Variants in CCDC170 observed in about 807,000 individuals in gnomAD.
CCDC170 encodes the protein coiled-coil domain-containing protein 170.
In CCDC170, 69 loss-of-function variants were observed where a neutral mutation model predicts 72.6. The ratio of observed to expected loss-of-function variants is 0.95; its 90% CI spans 0.78 to 1.16. The LOEUF is 1.16. CCDC170 is among the 50% of genes most tolerant of loss of function. CCDC170 has a pLI of 0.00. For synonymous variants in CCDC170, 300 were observed against 303.9 expected (o/e 0.99, Z 0.13); for missense variants, 852 against 832.5 (o/e 1.02, Z -0.29).
At chr6:151,520,708 A>C (rs1031652146) in intron 1 of CCDC170, among the ~76,000 whole-genome samples, 1 of 152,150 alleles carries the variant, frequency 6.6e-6, no homozygotes, top group African/African-American at 2.4e-5. Context: ...CACTTGATGG[A>C]TCAGCTGGCA....
rs1026076031 is a variant in CCDC170, at chr6:151,544,603, A to G, written c.475A>G (p.Lys159Glu). Residue 159 changes from lysine to glutamate, a missense_variant, in exon 4 of 11, where the codon AAA (lysine) becomes GAA (glutamate). Physicochemically the swap from Lys to Glu is moderately conservative, Grantham distance 56. Coordinates refer to ENST00000239374, the MANE Select transcript of CCDC170 (RefSeq NM_025059.4). ...KCSKENEENK[K>E]QVSKNCRKHE... The stretch of plus-strand genomic sequence containing the variant: ...TTCAAAAGAAAATGAGGAGAATAAG[A>G]AACAAGTTTCAAAGAATTGCAGGAA... The G allele has an allele frequency of 1.2e-6, 2 of 1,613,310 alleles. No homozygotes were observed. The highest frequency in any genetic ancestry group is 1.7e-5 in the Admixed American group (1 of 60,022).
chr6:151,581,025 G>A (rs914668063), intron 6 of CCDC170, among the ~76,000 whole-genome samples: 2 of 152,144 alleles, frequency 1.3e-5, no homozygotes, highest in Admixed American at 1.3e-4. Context: ...AATCATCTTA[G>A]CCTTCAGCAA....
chr6:151,549,611 G>A (rs2115060101), intron 5 of CCDC170, among the ~76,000 whole-genome samples: 1 of 151,864 alleles, frequency 6.6e-6, no homozygotes, highest in East Asian at 2.0e-4. Flanking sequence ...TTTATTTGTA[G>A]AGACGGGGTC....
At chr6:151,611,911 A>G (rs1776878165) in intron 9 of CCDC170, among the ~76,000 whole-genome samples, 1 of 152,042 alleles carries the variant, frequency 6.6e-6, no homozygotes, top group Middle Eastern at 3.4e-3. Flanking sequence ...GGGTTTCACT[A>G]TCTTGGCCAG....
At chr6:151,594,043 TTCAC>T (rs1328443679) in intron 8 of CCDC170, among the ~76,000 whole-genome samples, 7 of 152,234 alleles carry the variant, frequency 4.6e-5, no homozygotes, top group Non-Finnish European at 8.8e-5. Context: ...CTTACTTTTC[TTCAC>T]TCAAAGGAAG....
chr6:151,567,665 A>G (rs967974920), intron 5 of CCDC170, among the ~76,000 whole-genome samples: 16 of 152,226 alleles, frequency 1.1e-4, no homozygotes, highest in Admixed American at 7.2e-4. Flanking sequence ...TCTGGATTTT[A>G]TATACTTATT....
chr6:151,606,532 G>A (rs557527244), intron 9 of CCDC170, among the ~76,000 whole-genome samples: 3 of 152,294 alleles, frequency 2.0e-5, no homozygotes, highest in Non-Finnish European at 2.9e-5. Flanking sequence ...CTTGTTTTGT[G>A]TCTAACGTAT....
chr6:151,506,050 A>C (rs965800158), intron 1 of CCDC170, among the ~76,000 whole-genome samples: 1 of 152,150 alleles, frequency 6.6e-6, no homozygotes, highest in Non-Finnish European at 1.5e-5. Flanking sequence ...GCAGTGAGCT[A>C]TGATTTGTAC....
chr6:151,552,704 C>T (rs1401994536), intron 5 of CCDC170, among the ~76,000 whole-genome samples: 1 of 150,612 alleles, frequency 6.6e-6, no homozygotes, highest in Non-Finnish European at 1.5e-5. Flanking sequence ...TCCTCGATCT[C>T]TGGCTGAAGA....
chr6:151,498,907 G>T (rs1639216700), intron 1 of CCDC170, among the ~76,000 whole-genome samples: 1 of 151,596 alleles, frequency 6.6e-6, no homozygotes, highest in Non-Finnish European at 1.5e-5. Flanking sequence ...TGTATAAGTG[G>T]AATCAGACTG....
At chr6:151,564,940 C>T (rs115746224) in intron 5 of CCDC170, among the ~76,000 whole-genome samples, 1,914 of 152,238 alleles carry the variant, frequency 0.013, 28 homozygotes, top group African/African-American at 0.044. Context: ...CAGTGGGGCC[C>T]TGCTGCTGGA....
chr6:151,583,534 T>C (rs886632193), intron 6 of CCDC170, among the ~76,000 whole-genome samples: 2 of 152,022 alleles, frequency 1.3e-5, no homozygotes, highest in Non-Finnish European at 2.9e-5. Context: ...GTTGGCTCAC[T>C]ACAACCTCTG....
intron 9 of CCDC170, among the ~76,000 whole-genome samples, chr6:151,605,353 T>C (rs1366875878): frequency 1.3e-5 from 2 of 152,166 alleles, no homozygotes; most frequent in African/African-American, 4.8e-5. Flanking sequence ...AAAGGGGATA[T>C]TCTGGCAGTG....
At chr6:151,522,529 G>A (rs6930637) in intron 1 of CCDC170, among the ~76,000 whole-genome samples, 6,984 of 152,050 alleles carry the variant, frequency 0.046, 452 homozygotes, top group African/African-American at 0.14. Flanking sequence ...TACTCACCCC[G>A]TCATTCTCTT....
chr6:151,512,782 G>A (rs116409892), intron 1 of CCDC170, among the ~76,000 whole-genome samples: 304 of 151,980 alleles, frequency 2.0e-3, no homozygotes, highest in African/African-American at 5.9e-3. Context: ...TTTATGTTGC[G>A]TCTGTATATA....
chr6:151,519,631 T>C (rs1361878949), intron 1 of CCDC170, among the ~76,000 whole-genome samples: 1 of 152,206 alleles, frequency 6.6e-6, no homozygotes, highest in Admixed American at 6.5e-5. Flanking sequence ...TAAAATGAAA[T>C]CTTCACAATT....
In CCDC170 at chr6:151,538,243, G is replaced by T. The variant is rs1249203708; in HGVS notation, c.385G>T (p.Ala129Ser). The T allele has an allele frequency of 2.5e-6, 4 of 1,613,654 alleles. No homozygotes were observed. Among genetic ancestry groups the T allele is most frequent in the Non-Finnish European group, 3.4e-6 (4 of 1,179,804 alleles). ...KIRTEITAHA[A>S]IKENQELKKK... ...CAGAACAGAAATCACAGCTCACGCT[G>T]CAATCAAGGAGAACCAGGAATTAAA... Residue 129 changes from alanine to serine, a missense_variant, in exon 3 of 11, where the codon GCA becomes TCA. Transcript: ENST00000239374.
intron 7 of CCDC170, among the ~76,000 whole-genome samples, chr6:151,591,792 G>C (rs970306252): frequency 6.6e-6 from 1 of 151,898 alleles, no homozygotes; most frequent in Non-Finnish European, 1.5e-5. Context: ...ACCGCACCTG[G>C]CCCTGCATTA....
chr6:151,618,028 A>C lies in CCDC170; in HGVS notation c.2029A>C (p.Lys677Gln). The C allele has an allele frequency of 6.2e-7, 1 of 1,614,134 alleles. No individual in the cohort carries two copies. Among genetic ancestry groups the C allele is most frequent in the Non-Finnish European group, 8.5e-7 (1 of 1,180,026 alleles). The change falls in exon 11 of 11, where the codon AAG (lysine) becomes CAG (glutamine). Residue 677 changes from lysine to glutamine, a missense_variant. Transcript: ENST00000239374. ...SLALPDYEII[K>Q]CLERLVHSHQ... ...TGCTCTTCCTGATTATGAAATCATC[A>C]AGTGTCTTGAAAGATTGGTCCATTC...
Sources: gnomAD v4.1 joint callset for allele counts (sites outside exome capture counted in the v4.1 genomes callset) on GRCh38, gnomAD v4.1.1 for gene constraint, MANE v1.5 for transcripts, NCBI Gene and HGNC (gene_info 2026-07-23, HGNC 2026-07-21) for gene names.